The following ZNF718 variants were observed in gnomAD, a reference collection of about 807,000 sequenced individuals.
The protein encoded by ZNF718 is zinc finger protein 718.
In ZNF718, 3 loss-of-function variants were observed where a neutral mutation model predicts 2.6. The ratio of observed to expected loss-of-function variants is 1.16; its 90% CI spans 0.53 to 3.01. ZNF718 has a LOEUF of 3.01. Among genes scored for constraint, ZNF718 ranks in the 30% most tolerant of loss-of-function variants. ZNF718 has a pLI of 0.03. For missense variants in ZNF718, 468 were observed against 230.0 expected, an observed-to-expected ratio of 2.03 and a Z score of -6.69; for synonymous variants, 135 against 77.9, an observed-to-expected ratio of 1.73 and a Z score of -3.86.
intron 3 of ZNF718, among the ~76,000 whole-genome samples, chr4:132,078 G>T (rs1226803294): frequency 1.1e-5 from 1 of 89,394 alleles, no homozygotes; most frequent in African/African-American, 4.0e-5. Context: ...CAGAGGTTGC[G>T]GTCGGCTGAG....
chr4:190,551 A>G (rs79077811), intron 3 of ZNF718, among the ~76,000 whole-genome samples: 3,021 of 152,268 alleles, frequency 0.02, 100 homozygotes, highest in African/African-American at 0.068. Flanking sequence ...AGTCAAATAT[A>G]AAGTAAACAA....
intron 3 of ZNF718, among the ~76,000 whole-genome samples, chr4:182,993 CTTTAG>C (rs1222850203): frequency 7.2e-5 from 11 of 152,208 alleles, no homozygotes; most frequent in Non-Finnish European, 1.2e-4. Flanking sequence ...TGCAGAAGCT[CTTTAG>C]TTTAATTAGA....
intron 3 of ZNF718, among the ~76,000 whole-genome samples, chr4:144,767 A>G (rs1258611915): frequency 6.6e-6 from 1 of 152,084 alleles, no homozygotes; most frequent in Non-Finnish European, 1.5e-5. Context: ...ATTTGTGGCT[A>G]CCGTAAATGG....
downstream of ZNF718, among the ~76,000 whole-genome samples, chr4:167,867 G>A (rs187412323): frequency 3.3e-5 from 5 of 152,166 alleles, no homozygotes; most frequent in African/African-American, 1.2e-4. Context: ...GATTGCCCTG[G>A]CCAGAACTTC....
At chr4:177,761 A>G (rs1717380143) in intron 3 of ZNF718, among the ~76,000 whole-genome samples, 1 of 152,190 alleles carries the variant, frequency 6.6e-6, no homozygotes, top group Non-Finnish European at 1.5e-5. Flanking sequence ...ACAATGAGAC[A>G]CTGATGAGTT....
chr4:151,305 C>T (rs560661345), intron 3 of ZNF718, among the ~76,000 whole-genome samples: 27 of 151,628 alleles, frequency 1.8e-4, no homozygotes, highest in African/African-American at 6.1e-4. Context: ...GGGGTTTCAC[C>T]GTGTTGCCCA....
chr4:163,896 G>T lies in ZNF718; in HGVS notation c.*1774G>T, dbSNP rs1386915074. 6.6e-6 allele frequency: 1 copy of T among 151,024 alleles called. No homozygotes were observed. The highest frequency in any genetic ancestry group is 2.4e-5 in the African/African-American group (1 of 41,200). 9.4% of individuals were successfully genotyped at this position (151,024 alleles called of 1,614,324 possible). On this transcript the variant is annotated 3_prime_UTR_variant, in exon 4 of 4. Coordinates refer to ENST00000510175, the MANE Select transcript of ZNF718 (RefSeq NM_001039127.6). ...TTTTAAAAATTTATGTGGGTACATG[G>T]TATGTGTATACATTCATGGCATAGA... is the stretch of plus-strand genomic sequence containing the variant.
chr4:159,176 A>G (rs1716715137), intron 3 of ZNF718, among the ~76,000 whole-genome samples: 1 of 151,536 alleles, frequency 6.6e-6, no homozygotes, highest in African/African-American at 2.4e-5. Flanking sequence ...AGCTGGGACT[A>G]CAGGCATGTG....
intron 3 of ZNF718, among the ~76,000 whole-genome samples, chr4:157,965 C>T (rs1716652782): frequency 1.3e-5 from 2 of 151,778 alleles, no homozygotes; most frequent in Admixed American, 1.3e-4. Context: ...CTTTGTATAT[C>T]TTGGCTTTAC....
At position 161,928 on chromosome 4, in the gene ZNF718, A is replaced by G; in HGVS notation, c.1243A>G (p.Lys415Glu). The G allele has an allele frequency of 1.3e-6, 1 of 780,094 alleles. No individual in the cohort carries two copies. 48.3% of individuals were successfully genotyped at this position (780,094 alleles called of 1,614,324 possible). A position where few individuals can be genotyped will look rare whatever the true frequency, so the allele number is the denominator to read the frequency against. Residue 415 changes from lysine (K) to glutamate (E), a missense_variant, in exon 4 of 4, where the codon AAA becomes GAA. Coordinates refer to ENST00000510175, the MANE Select transcript of ZNF718 (RefSeq NM_001039127.6). ...GTTTGCAAACCTGCATAATCATAAG[A>G]AAATTCATACTGGAGAGAAACCCTA... is the stretch of plus-strand genomic sequence containing the variant. ...KVFANLHNHK[K>E]IHTGEKPYIC...
In ZNF718 at chr4:161,671, A is replaced by G; in HGVS notation, c.986A>G (p.His329Arg). ...VFTTSSDFAK[H>R]KRIHTGEKPY... is the part of the protein sequence containing the mutation. The stretch of plus-strand genomic sequence containing the variant: ...ACCACATCCTCAGACTTTGCTAAAC[A>G]TAAGAGAATTCATACAGGAGAGAAA... The change falls in exon 4 of 4, where the codon CAT becomes CGT. Residue 329 changes from histidine to arginine, a missense_variant. His to Arg is a conservative substitution (Grantham distance 29). Transcript: ENST00000510175. 2.6e-6 allele frequency: 2 copies of G among 779,586 alleles called. No individual in the cohort carries two copies. The highest frequency in any genetic ancestry group is 2.4e-5 in the East Asian group (1 of 41,228). The allele number at this position is 779,586 out of a possible 1,614,324, so 48.3% of individuals were successfully genotyped here.
chr4:168,482 G>A (rs1717144280), downstream of ZNF718, among the ~76,000 whole-genome samples: 1 of 152,048 alleles, frequency 6.6e-6, no homozygotes, highest in Admixed American at 6.6e-5. Context: ...ATCTGGTGCT[G>A]GACTTTTTTT....
At chr4:184,587 C>T (rs1041887701) in intron 3 of ZNF718, among the ~76,000 whole-genome samples, 11 of 152,102 alleles carry the variant, frequency 7.2e-5, no homozygotes, top group Non-Finnish European at 1.5e-4. Flanking sequence ...AGTAAGAACG[C>T]TACCAGCTCT....
chr4:146,966 T>C (rs150148404), intron 3 of ZNF718, among the ~76,000 whole-genome samples: 8 of 152,298 alleles, frequency 5.3e-5, no homozygotes, highest in Admixed American at 2.0e-4. Flanking sequence ...ACTGAGTTTT[T>C]ATTTTTATTT....
chr4:168,562 T>C (rs113023323), downstream of ZNF718, among the ~76,000 whole-genome samples: 1,933 of 152,256 alleles, frequency 0.013, 47 homozygotes, highest in African/African-American at 0.044. Flanking sequence ...TATTCAACTT[T>C]TTCCTAGTTT....
At chr4:158,487 CCTTACTT>C (rs1716676650) in intron 3 of ZNF718, among the ~76,000 whole-genome samples, 1 of 150,748 alleles carries the variant, frequency 6.6e-6, no homozygotes, top group Non-Finnish European at 1.5e-5. Flanking sequence ...ATTGATAGGC[CCTTACTT>C]CTTGTTTTTT....
At chr4:189,830 G>A (rs1717657578) in intron 3 of ZNF718, among the ~76,000 whole-genome samples, 1 of 152,082 alleles carries the variant, frequency 6.6e-6, no homozygotes. Context: ...ATCATAAATA[G>A]GTGCTGGATT....
intron 3 of ZNF718, among the ~76,000 whole-genome samples, chr4:155,112 G>GT (rs1716504903): frequency 6.6e-6 from 1 of 152,212 alleles, no homozygotes; most frequent in Non-Finnish European, 1.5e-5. Context: ...CAAAAGCGAG[G>GT]TTTGGAAACC....
downstream of ZNF718, among the ~76,000 whole-genome samples, chr4:164,966 TATTA>T (rs1717055280): frequency 1.3e-5 from 2 of 152,288 alleles, no homozygotes; most frequent in South Asian, 4.1e-4. Flanking sequence ...GAAGAAATGG[TATTA>T]ATTCTGTATG....
Sources: gnomAD v4.1 joint callset for allele counts (sites outside exome capture counted in the v4.1 genomes callset) on GRCh38, gnomAD v4.1.1 for gene constraint, MANE v1.5 for transcripts, NCBI Gene and HGNC (gene_info 2026-07-23, HGNC 2026-07-21) for gene names.